FAAH2: variants seen among roughly 807,000 people sequenced by gnomAD.
FAAH2 encodes the protein fatty acid amide hydrolase 2, also known as fatty-acid amide hydrolase 2.
Under a neutral mutation model 36.9 loss-of-function variants are expected in FAAH2, and 60 were observed. That is an observed-to-expected ratio of 1.63 (90% CI 1.32 to 2.02). FAAH2 has a LOEUF of 2.02. Among genes scored for constraint, FAAH2 ranks in the 30% most tolerant of loss-of-function variants. The pLI is 0.00. For synonymous variants in FAAH2, 214 were observed against 143.8 expected (o/e 1.49, Z -3.49); for missense variants, 689 against 397.5 (o/e 1.73, Z -6.23).
rs147868230 is a variant in FAAH2, at chrX:57,339,852, A to C, written c.623-1419A>C. Among the ~76,000 whole-genome samples, 528 of 112,071 alleles carry C rather than the reference A, an allele frequency of 4.7e-3. 3 individuals are homozygous for C. Among genetic ancestry groups the C allele is most frequent in the African/African-American group, 0.016 (500 of 30,874 alleles). On this transcript the variant is annotated intron_variant, in intron 4 of 10. Coordinates refer to ENST00000374900, the MANE Select transcript of FAAH2 (RefSeq NM_174912.4). ...GAAGACAGTGTAGCAATTCCTCAAA[A>C]ATCTAGGAGCAGAAATACCATTTTA...
chrX:57,289,839 G>C (rs898584888), intron 1 of FAAH2, among the ~76,000 whole-genome samples: 1 of 110,533 alleles, frequency 9.0e-6, no homozygotes, highest in Non-Finnish European at 1.9e-5. Flanking sequence ...GCTGAAGAGA[G>C]GGGAGAAGGG....
intron 3 of FAAH2, among the ~76,000 whole-genome samples, chrX:57,325,050 G>GT (rs1409516466): frequency 1.4e-3 from 160 of 111,970 alleles, no homozygotes; most frequent in African/African-American, 4.8e-3. Context: ...TTAGCATGAA[G>GT]GTTGTTGAAT....
At chrX:57,235,638 C>T in the FAAH2 span, among the ~76,000 whole-genome samples, 5 of 112,179 alleles carry the variant, frequency 4.5e-5, no homozygotes, top group Non-Finnish European at 9.4e-5. Flanking sequence ...ATTATATCTG[C>T]TGAAAATTTG....
chrX:57,147,186 A>G, the FAAH2 span, among the ~76,000 whole-genome samples: 2 of 111,627 alleles, frequency 1.8e-5, no homozygotes, highest in East Asian at 2.8e-4. Context: ...AATTTGTCCC[A>G]TCCTGAACTT....
the FAAH2 span, among the ~76,000 whole-genome samples, chrX:57,256,562 T>A: frequency 9.0e-6 from 1 of 111,373 alleles, no homozygotes; most frequent in East Asian, 2.8e-4. Context: ...GACCAAAGAC[T>A]TAAACATAAA....
chrX:57,381,157 T>C (rs1008014832), intron 7 of FAAH2, 128 bp downstream of exon 7: 10 of 427,678 alleles, frequency 2.3e-5, no homozygotes, highest in African/African-American at 1.0e-4. Flanking sequence ...AGAACAGTTA[T>C]ACTAAGGAAT....
chrX:57,335,937 A>T (rs1332447868), intron 4 of FAAH2, among the ~76,000 whole-genome samples: 1 of 111,612 alleles, frequency 9.0e-6, no homozygotes, highest in Non-Finnish European at 1.9e-5. Flanking sequence ...CACAGCCCTT[A>T]ATCCATTTAA....
chrX:57,395,370 C>A (rs150605684), intron 7 of FAAH2: 2 of 701,167 alleles, frequency 2.9e-6, no homozygotes, highest in Non-Finnish European at 4.5e-6. Flanking sequence ...CTTATTTGTG[C>A]GGAGATCTCC....
intron 10 of FAAH2, among the ~76,000 whole-genome samples, chrX:57,468,748 T>C (rs1450201435): frequency 1.8e-5 from 2 of 111,169 alleles, no homozygotes; most frequent in Admixed American, 1.9e-4. Flanking sequence ...ATACAGAGAA[T>C]GCTGCAAAGA....
At chrX:57,336,290 G>A (rs73610437) in intron 4 of FAAH2, among the ~76,000 whole-genome samples, 2 of 109,802 alleles carry the variant, frequency 1.8e-5, no homozygotes, top group Admixed American at 9.8e-5. Flanking sequence ...CTCTTTGACT[G>A]TAATTTTCCT....
intron 10 of FAAH2, among the ~76,000 whole-genome samples, chrX:57,460,126 T>C (rs1437030370): frequency 9.0e-6 from 1 of 110,764 alleles, no homozygotes; most frequent in Non-Finnish European, 1.9e-5. Flanking sequence ...TGAAAAGGAA[T>C]GAAAAAAGCC....
At position 57,381,033 on chromosome X, in the gene FAAH2, A is replaced by G. The variant is rs2054832672; in HGVS notation, c.996+4A>G. 2 of 1,144,274 alleles carry G rather than the reference A, an allele frequency of 1.7e-6. No homozygotes were observed. The highest frequency in any genetic ancestry group is 6.0e-5 in the East Asian group (2 of 33,196). The allele number at this position is 1,144,274 out of a possible 1,213,427, so 94.3% of individuals were successfully genotyped here. A position where few individuals can be genotyped will look rare whatever the true frequency, so the allele number is the denominator to read the frequency against. The stretch of plus-strand genomic sequence containing the variant: ...TCTCATTATGACTCAGAAAAAGGTA[A>G]TTTTAAATAAAATTTGTTTAGGAAT... On this transcript the variant is annotated splice_donor_region_variant and intron_variant, in intron 7 of 10. Coordinates refer to ENST00000374900, the MANE Select transcript of FAAH2 (RefSeq NM_174912.4).
the FAAH2 span, among the ~76,000 whole-genome samples, chrX:57,223,168 A>G: frequency 7.4e-4 from 83 of 112,257 alleles, no homozygotes; most frequent in African/African-American, 2.6e-3. Context: ...TCAAGCTGCC[A>G]GGCTTCTACA....
At chrX:57,355,948 G>T (rs185623255) in intron 5 of FAAH2, among the ~76,000 whole-genome samples, 82 of 110,917 alleles carry the variant, frequency 7.4e-4, no homozygotes, top group Non-Finnish European at 1.4e-3. Context: ...TTATGTTGAG[G>T]CAATTATTGT....
At chrX:57,442,643 T>G (rs904762107) in intron 8 of FAAH2, among the ~76,000 whole-genome samples, 1 of 111,990 alleles carries the variant, frequency 8.9e-6, no homozygotes, top group Non-Finnish European at 1.9e-5. Flanking sequence ...TCAATTTGAT[T>G]CTGTCATTAT....
Position 57,393,649 on chromosome X carries a change from G to A in FAAH2, c.996+12620G>A, listed in dbSNP as rs928166155. On this transcript the variant is annotated intron_variant, in intron 7 of 10. Transcript: ENST00000374900. Reference sequence around the variant, plus strand: ...TCACCCCCAGATCTTCAGCACTGACGGGGTCTCCTTTCTTACTGGATGCCA... The same window carrying A: ...TCACCCCCAGATCTTCAGCACTGACAGGGTCTCCTTTCTTACTGGATGCCA... 1.8e-5 allele frequency: 17 copies of A among 962,329 alleles called. No individual in the cohort carries two copies. The Middle Eastern group carries it at 1.0e-3, about 59-fold the overall frequency. The allele number at this position is 962,329 out of a possible 1,213,427, so 79.3% of individuals were successfully genotyped here. A position where few individuals can be genotyped will look rare whatever the true frequency, so the allele number is the denominator to read the frequency against.
the FAAH2 span, among the ~76,000 whole-genome samples, chrX:57,224,713 A>G: frequency 8.9e-6 from 1 of 111,949 alleles, no homozygotes; most frequent in African/African-American, 3.2e-5. Flanking sequence ...GAGACTATAA[A>G]ACCTTTGTCC....
chrX:57,419,779 A>G (rs1243452218), intron 7 of FAAH2, among the ~76,000 whole-genome samples: 1 of 111,905 alleles, frequency 8.9e-6, no homozygotes, highest in Non-Finnish European at 1.9e-5. Context: ...TGTTTTAGAC[A>G]TGAAGTCCTT....
intron 8 of FAAH2, among the ~76,000 whole-genome samples, chrX:57,438,039 A>G (rs1258278163): frequency 9.6e-6 from 1 of 104,162 alleles, no homozygotes; most frequent in African/African-American, 3.4e-5. Context: ...ACATATGTAT[A>G]TATATACACA....
Sources: gnomAD v4.1 joint callset for allele counts (sites outside exome capture counted in the v4.1 genomes callset) on GRCh38, gnomAD v4.1.1 for gene constraint, MANE v1.5 for transcripts, NCBI Gene and HGNC (gene_info 2026-07-23, HGNC 2026-07-21) for gene names.